Variants in UNC5C observed in about 807,000 individuals in gnomAD.
The protein encoded by UNC5C is unc-5 netrin receptor C.
UNC5C carries 47 observed loss-of-function variants against 99.8 expected under a neutral mutation model. The observed-to-expected ratio is 0.47, with a 90% CI of 0.37 to 0.60. The LOEUF (loss-of-function observed/expected upper bound fraction) is 0.60. Ranked by LOEUF, UNC5C falls within the 20% of genes least tolerant of loss-of-function variation. The probability of loss-of-function intolerance (pLI) is 0.00; values close to 1 mark genes in which losing one functional copy is unlikely to be tolerated. For synonymous variants in UNC5C, 487 were observed against 452.2 expected, an observed-to-expected ratio of 1.08 and a Z score of -0.98; for missense variants, 1,062 against 1,165.9, an observed-to-expected ratio of 0.91 and a Z score of 1.30.
chr4:95,449,190 C>A (rs1747209713), intron 1 of UNC5C, among the ~76,000 whole-genome samples: 1 of 152,194 alleles, frequency 6.6e-6, no homozygotes, highest in African/African-American at 2.4e-5. Context: ...TGTTACCTGG[C>A]CCTTCTCAAA....
chr4:95,358,648 G>A (rs1303734043), intron 1 of UNC5C, among the ~76,000 whole-genome samples: 1 of 152,144 alleles, frequency 6.6e-6, no homozygotes, highest in Non-Finnish European at 1.5e-5. Flanking sequence ...AATCCCTTCA[G>A]GCTTCTGGCC....
At chr4:95,260,480 C>T (rs137921966) in intron 4 of UNC5C, among the ~76,000 whole-genome samples, 39 of 152,232 alleles carry the variant, frequency 2.6e-4, no homozygotes, top group Non-Finnish European at 2.4e-4. Flanking sequence ...CAGCAGCCTT[C>T]GATCCATGGC....
intron 1 of UNC5C, among the ~76,000 whole-genome samples, chr4:95,346,781 A>C (rs1743788980): frequency 2.0e-5 from 3 of 151,994 alleles, no homozygotes; most frequent in Admixed American, 1.3e-4. Flanking sequence ...CACTAAAAGT[A>C]ATATACAACA....
intron 3 of UNC5C, among the ~76,000 whole-genome samples, chr4:95,298,331 A>C (rs1205312112): frequency 6.6e-6 from 1 of 152,080 alleles, no homozygotes; most frequent in African/African-American, 2.4e-5. Flanking sequence ...ACAAACAAAC[A>C]AACAAAACCA....
intron 1 of UNC5C, among the ~76,000 whole-genome samples, chr4:95,519,362 G>C (rs1389117105): frequency 6.6e-6 from 1 of 151,996 alleles, no homozygotes; most frequent in Non-Finnish European, 1.5e-5. Flanking sequence ...ACACCACTCT[G>C]ATCATTCCAG....
At chr4:95,293,308 T>G (rs1419146658) in intron 3 of UNC5C, among the ~76,000 whole-genome samples, 7 of 133,524 alleles carry the variant, frequency 5.2e-5, no homozygotes, top group Non-Finnish European at 9.6e-5. Context: ...TTTTTTTTTT[T>G]TTTTTTTTTT....
At chr4:95,437,100 G>T (rs1022663472) in intron 1 of UNC5C, among the ~76,000 whole-genome samples, 1 of 150,014 alleles carries the variant, frequency 6.7e-6, no homozygotes, top group Non-Finnish European at 1.5e-5. Flanking sequence ...AACCAATTAA[G>T]CAAAACAGAA....
intron 1 of UNC5C, among the ~76,000 whole-genome samples, chr4:95,375,492 A>T (rs540816502): frequency 1.3e-5 from 2 of 152,312 alleles, no homozygotes; most frequent in South Asian, 4.2e-4. Flanking sequence ...GATGATTGTT[A>T]TAAAGAAACA....
intron 5 of UNC5C, among the ~76,000 whole-genome samples, chr4:95,246,677 ATATG>A (rs1038762646): frequency 6.6e-6 from 1 of 151,744 alleles, no homozygotes; most frequent in Non-Finnish European, 1.5e-5. Context: ...ACAATACTTA[ATATG>A]TATTTATACA....
chr4:95,478,416 A>T (rs1339741079), intron 1 of UNC5C, among the ~76,000 whole-genome samples: 1 of 152,026 alleles, frequency 6.6e-6, no homozygotes, highest in African/African-American at 2.4e-5. Flanking sequence ...TGCTTTGCAT[A>T]TCAGCTAATG....
intron 1 of UNC5C, among the ~76,000 whole-genome samples, chr4:95,415,337 A>T (rs186283884): frequency 8.5e-5 from 13 of 152,106 alleles, no homozygotes; most frequent in African/African-American, 3.1e-4. Context: ...TCAGCAAAAG[A>T]TATCATTAAA....
intron 2 of UNC5C, among the ~76,000 whole-genome samples, chr4:95,316,747 A>G (rs959336093): frequency 2.0e-5 from 3 of 152,188 alleles, no homozygotes; most frequent in African/African-American, 7.2e-5. Context: ...CTTAAATAAT[A>G]TAGATTTTTG....
intron 4 of UNC5C, among the ~76,000 whole-genome samples, chr4:95,263,663 T>C (rs180993669): frequency 1.2e-4 from 19 of 152,368 alleles, no homozygotes; most frequent in African/African-American, 4.3e-4. Flanking sequence ...TGCCATTCAC[T>C]GAGTCTATGC....
Position 95,185,134 on chromosome 4 carries a change from A to G in UNC5C, c.2199T>C (p.His733=). 6.2e-7 allele frequency: 1 copy of G among 1,614,052 alleles called. No individual in the cohort carries two copies. The highest frequency in any genetic ancestry group is 8.5e-7 in the Non-Finnish European group (1 of 1,180,008). Residue 733 remains histidine (H), a synonymous_variant, in exon 13 of 16, where the codon CAT becomes CAC. Coordinates refer to ENST00000453304, the MANE Select transcript of UNC5C (RefSeq NM_003728.4). ...GCAGGTTGTGGGTGCTGCCTTTAAAATGAAGAGCCTTAGGTTCTTCTAGGA... is the reference window on the plus strand; with the variant it reads ...GCAGGTTGTGGGTGCTGCCTTTAAAGTGAAGAGCCTTAGGTTCTTCTAGGA... ...GQLLEEPKAL[H]FKGSTHNLRL...
intron 1 of UNC5C, among the ~76,000 whole-genome samples, chr4:95,536,105 C>G (rs13107780): frequency 1.4e-5 from 2 of 145,334 alleles, no homozygotes; most frequent in Admixed American, 1.4e-4. Flanking sequence ...GAGATGGAGT[C>G]TCGCTCTTGT....
At chr4:95,248,313 A>G (rs1182426713) in intron 5 of UNC5C, 1 of 246,686 alleles carries the variant, frequency 4.1e-6, no homozygotes, top group African/African-American at 2.3e-5. Context: ...TGGCCTAAGA[A>G]AATGAAGACC....
rs60744900 is a variant in UNC5C at position 95,545,232 on chromosome 4, C to G, written c.124+3502G>C. 3.6e-3 allele frequency among the ~76,000 whole-genome samples: 543 copies of G among 152,238 alleles called. 3 individuals are homozygous for G. Among genetic ancestry groups the G allele is most frequent in the African/African-American group, 0.012 (506 of 41,550 alleles). On this transcript the variant is annotated intron_variant, in intron 1 of 15. Transcript: ENST00000453304. ...TCCAGAATACAGGAGTCCAGGGAGT[C>G]AATAAATGTCAGTTATAATCTAATG...
intron 7 of UNC5C, among the ~76,000 whole-genome samples, chr4:95,224,243 A>G (rs185748756): frequency 3.7e-4 from 56 of 152,326 alleles, no homozygotes; most frequent in African/African-American, 1.1e-3. Context: ...AGATTGCGCC[A>G]CTGCACTCCA....
intron 1 of UNC5C, among the ~76,000 whole-genome samples, chr4:95,349,817 A>G (rs1025500628): frequency 2.6e-5 from 4 of 151,992 alleles, no homozygotes; most frequent in African/African-American, 9.7e-5. Context: ...TCTATTTTCC[A>G]ATGCCCTAAC....
Sources: gnomAD v4.1 joint callset for allele counts (sites outside exome capture counted in the v4.1 genomes callset) on GRCh38, gnomAD v4.1.1 for gene constraint, MANE v1.5 for transcripts, NCBI Gene and HGNC (gene_info 2026-07-23, HGNC 2026-07-21) for gene names.